Variants in THRB observed in about 807,000 individuals in gnomAD.
The protein encoded by THRB is nuclear receptor subfamily 1 group A member 2.
In THRB, 12 loss-of-function variants were observed where a neutral mutation model predicts 47.8. That is an observed-to-expected ratio of 0.25 (90% confidence interval 0.16 to 0.41). The LOEUF (loss-of-function observed/expected upper bound fraction) is 0.41. THRB is among the 10% of genes least tolerant of loss of function. The pLI, the probability that THRB is intolerant of heterozygous loss-of-function variation, is 1.00. For missense variants in THRB, 348 were observed against 589.2 expected, an observed-to-expected ratio of 0.59 and a Z score of 4.24; for synonymous variants, 218 against 212.2, an observed-to-expected ratio of 1.03 and a Z score of -0.24.
chr3:24,181,611 AACAG>A (rs2041903787), intron 5 of THRB, among the ~76,000 whole-genome samples: 1 of 152,206 alleles, frequency 6.6e-6, no homozygotes, highest in Admixed American at 6.5e-5. Flanking sequence ...GCCCTTGACA[AACAG>A]TGAGATAGGT....
intron 3 of THRB, among the ~76,000 whole-genome samples, chr3:24,233,130 C>A (rs1019163378): frequency 1.3e-5 from 2 of 152,118 alleles, no homozygotes; most frequent in Non-Finnish European, 2.9e-5. Context: ...CTCAAACACA[C>A]AAAGTGTGTT....
Position 24,254,879 on chromosome 3 carries a change from G to A in THRB, c.-42-25878C>T, listed in dbSNP as rs539733160. 2.6e-5 allele frequency among the ~76,000 whole-genome samples: 4 copies of A among 152,298 alleles called. No homozygotes were observed. In the South Asian group the frequency reaches 6.2e-4, roughly 24 times the overall value. Reference sequence around the variant, plus strand: ...ATTAGCCATGTAGAATCACATTGAGGAAGAATGCAAAGCTTTCTATGAGCC... The same window carrying A: ...ATTAGCCATGTAGAATCACATTGAGAAAGAATGCAAAGCTTTCTATGAGCC... On this transcript the variant is annotated intron_variant, in intron 3 of 10. Transcript: ENST00000646209.
chr3:24,123,264 C>T, intron 10 of THRB, 139 bp from the exon 11 acceptor site: 13 of 1,238,340 alleles, frequency 1.0e-5, no homozygotes, highest in Non-Finnish European at 1.3e-5. Context: ...GCAGCGTGAA[C>T]TCTGGTGCTC....
chr3:24,436,497 A>C lies in THRB; in HGVS notation c.-261+58155T>G, dbSNP rs1158787874. ...TGCACACACACACACACAAATGCAC[A>C]CACACTTCTCTTTCTCAAGTTCGAA... On this transcript the variant is annotated intron_variant, in intron 1 of 10. Transcript: ENST00000646209. 3.9e-5 allele frequency among the ~76,000 whole-genome samples: 6 copies of C among 152,182 alleles called. No individual in the cohort carries two copies. In the East Asian group the frequency reaches 1.2e-3, roughly 29 times the overall value.
intron 2 of THRB, among the ~76,000 whole-genome samples, chr3:24,311,876 C>A (rs78566791): frequency 0.011 from 1,696 of 152,312 alleles, 25 homozygotes; most frequent in African/African-American, 0.037. Context: ...TAAAACCTCT[C>A]ATTTACTAGT....
rs9878466 is a variant in THRB, at chr3:24,311,754, T to C, written c.-188-14383A>G. Among the ~76,000 whole-genome samples the C allele has an allele frequency of 8.0e-3, 1,215 of 152,286 alleles. 19 individuals carry two copies. The highest frequency in any genetic ancestry group is 0.027 in the African/African-American group (1,123 of 41,552). Reference sequence around the variant, plus strand: ...CTTTCAATGTTGGTTCATACCAACATTATTTCTCACCTGGATTATAGAACA... The same window carrying C: ...CTTTCAATGTTGGTTCATACCAACACTATTTCTCACCTGGATTATAGAACA... On this transcript the variant is annotated intron_variant, in intron 2 of 10. Coordinates refer to ENST00000646209, the MANE Select transcript of THRB (RefSeq NM_001354712.2).
chr3:24,119,867 GCACGCGCATACACTCACACGCACA>G lies in THRB; in HGVS notation c.*2993_*3016del, dbSNP rs1339042599. 2.0e-5 allele frequency: 3 copies of G among 152,230 alleles called. No homozygotes were observed. The highest frequency in any genetic ancestry group is 4.4e-5 in the Non-Finnish European group (3 of 68,040). 9.4% of individuals were successfully genotyped at this position (152,230 alleles called of 1,614,324 possible). On this transcript the variant is annotated 3_prime_UTR_variant, in exon 11 of 11. Transcript: ENST00000646209. ...CAAAGTACACTTGAGGGTCACACAC[GCACGCGCATACACTCACACGCACA>G]CACGCCCCACACCGCTCATCCCTAA...
chr3:24,407,053 C>T (rs933292722), intron 1 of THRB, among the ~76,000 whole-genome samples: 21 of 151,818 alleles, frequency 1.4e-4, no homozygotes, highest in South Asian at 6.2e-4. Flanking sequence ...TGGGGCATGG[C>T]CACTTTAGAT....
chr3:24,310,066 T>C lies in THRB; in HGVS notation c.-188-12695A>G, dbSNP rs1448117194. On this transcript the variant is annotated intron_variant, in intron 2 of 10. Transcript: ENST00000646209. The stretch of plus-strand genomic sequence containing the variant: ...CTTGCTACCCTAAATGGGAGCCATA[T>C]ATCACATTGGAAGCTCCATGTCACA... Among the ~76,000 whole-genome samples the C allele has an allele frequency of 3.3e-5, 5 of 151,194 alleles. No individual in the cohort carries two copies. The East Asian group carries it at 9.7e-4, about 29-fold the overall frequency.
intron 3 of THRB, among the ~76,000 whole-genome samples, chr3:24,231,104 C>T (rs567919582): frequency 7.1e-4 from 108 of 152,274 alleles, no homozygotes; most frequent in African/African-American, 2.6e-3. Flanking sequence ...CCTTGGATGC[C>T]CTCAGTAAAA....
intron 4 of THRB, among the ~76,000 whole-genome samples, chr3:24,191,179 C>T (rs1161639825): frequency 1.3e-5 from 2 of 151,750 alleles, no homozygotes; most frequent in Admixed American, 6.6e-5. Context: ...CACTAACCTT[C>T]CCTGGTGGCA....
intron 5 of THRB, among the ~76,000 whole-genome samples, chr3:24,157,094 G>T (rs17014235): frequency 0.034 from 5,182 of 152,252 alleles, 140 homozygotes; most frequent in East Asian, 0.15. Context: ...ACTTGAAACA[G>T]CATTAACTTT....
rs2063537034 is a variant in THRB at position 24,354,316 on chromosome 3, C to A, written c.-260-16945G>T. On this transcript the variant is annotated intron_variant, in intron 1 of 10. Transcript: ENST00000646209. ...TGATGAAATAATCTATACAACAAAC[C>A]CCCATCACACAAATTTACCTATGTA... Among the ~76,000 whole-genome samples, 3 of 151,874 alleles carry A rather than the reference C, an allele frequency of 2.0e-5. No individual in the cohort carries two copies. The South Asian group carries it at 6.2e-4, about 32-fold the overall frequency.
chr3:24,357,346 C>CAAAAAAAAAAAAAATAAAAAAAAAA (rs2063741546), intron 1 of THRB, among the ~76,000 whole-genome samples: 1 of 28,714 alleles, frequency 3.5e-5, no homozygotes. Flanking sequence ...TTGTCTCTCC[C>CAAAAAAAAAAAAAATAAAAAAAAAA]AAAAAAAAAA....
chr3:24,372,303 G>A (rs1439806426), intron 1 of THRB, among the ~76,000 whole-genome samples: 1 of 152,066 alleles, frequency 6.6e-6, no homozygotes, highest in Non-Finnish European at 1.5e-5. Flanking sequence ...ACCACATGCA[G>A]AGTTAGGATG....
At chr3:24,200,118 T>C (rs1352983539) in intron 4 of THRB, among the ~76,000 whole-genome samples, 2 of 152,092 alleles carry the variant, frequency 1.3e-5, no homozygotes, top group African/African-American at 4.8e-5. Flanking sequence ...AAAGCTACAG[T>C]GGTTGCAGAA....
upstream of THRB, chr3:24,494,851 G>T: frequency 6.6e-6 from 1 of 152,356 alleles, no homozygotes; most frequent in Non-Finnish European, 1.5e-5. Context: ...GAGGATGTGC[G>T]CCTTCCTTGG....
intron 3 of THRB, among the ~76,000 whole-genome samples, chr3:24,285,791 A>C (rs909290814): frequency 6.6e-6 from 1 of 152,152 alleles, no homozygotes; most frequent in Non-Finnish European, 1.5e-5. Flanking sequence ...TTTGCATTAC[A>C]TTGATTCCTA....
chr3:24,176,226 AT>A (rs1234606101), intron 5 of THRB, among the ~76,000 whole-genome samples: 1 of 152,104 alleles, frequency 6.6e-6, no homozygotes, highest in African/African-American at 2.4e-5. Flanking sequence ...CATTTAATGT[AT>A]TTTTTAATTT....
Sources: gnomAD v4.1 joint callset for allele counts (sites outside exome capture counted in the v4.1 genomes callset) on GRCh38, gnomAD v4.1.1 for gene constraint, MANE v1.5 for transcripts, NCBI Gene and HGNC (gene_info 2026-07-23, HGNC 2026-07-21) for gene names.